The following ERICH6B variants were observed in gnomAD, a reference collection of about 807,000 sequenced individuals.
The protein encoded by ERICH6B is glutamate-rich protein 6B.
ERICH6B carries 69 observed loss-of-function variants against 80.0 expected under a neutral mutation model. The observed-to-expected ratio is 0.86, with a 90% CI of 0.71 to 1.05. The LOEUF (loss-of-function observed/expected upper bound fraction) is 1.05, where lower values mean the gene tolerates loss of function less well. ERICH6B is among the 50% of genes least tolerant of loss of function. ERICH6B has a pLI of 0.00. For synonymous variants in ERICH6B, 283 were observed against 291.9 expected (o/e 0.97, Z 0.31); for missense variants, 754 against 796.1 (o/e 0.95, Z 0.64).
intron 10 of ERICH6B, among the ~76,000 whole-genome samples, chr13:45,563,345 T>C (rs1236362207): frequency 6.6e-6 from 1 of 152,168 alleles, no homozygotes; most frequent in Non-Finnish European, 1.5e-5. Flanking sequence ...AATAGACCAA[T>C]GAAACCTGAG....
At chr13:45,611,713 C>T (rs1949900970) in intron 1 of ERICH6B, among the ~76,000 whole-genome samples, 1 of 152,206 alleles carries the variant, frequency 6.6e-6, no homozygotes, top group African/African-American at 2.4e-5. Flanking sequence ...CAGTGATGAC[C>T]TTGGCTTTCC....
chr13:45,580,426 C>T (rs986044434), intron 6 of ERICH6B, among the ~76,000 whole-genome samples, 177 bp downstream of exon 6: 9 of 152,180 alleles, frequency 5.9e-5, no homozygotes, highest in African/African-American at 2.2e-4. Flanking sequence ...CCTGGAGCCT[C>T]AACATTAAAT....
At chr13:45,606,524 TATATATATATATATATATATATA>T (rs1566307738) in intron 2 of ERICH6B, among the ~76,000 whole-genome samples, 39 of 33,316 alleles carry the variant, frequency 1.2e-3, no homozygotes, top group South Asian at 7.6e-3. Flanking sequence ...TATATATATA[TATATATATATATATATATATATA>T]TTTTTTTTTT....
intron 7 of ERICH6B, among the ~76,000 whole-genome samples, chr13:45,576,678 C>T (rs943525075): frequency 6.6e-6 from 1 of 152,082 alleles, no homozygotes; most frequent in Admixed American, 6.5e-5. Context: ...GGTAACTCAG[C>T]AACTTCCCAT....
chr13:45,577,206 GTAGGTCAA>G (rs1875443075), intron 7 of ERICH6B, among the ~76,000 whole-genome samples: 1 of 150,208 alleles, frequency 6.7e-6, no homozygotes. Flanking sequence ...CAGTGCTAAT[GTAGGTCAA>G]TGCTAGCACA....
chr13:45,593,990 T>C (rs1876261390), intron 3 of ERICH6B, among the ~76,000 whole-genome samples: 1 of 152,212 alleles, frequency 6.6e-6, no homozygotes, highest in Admixed American at 6.5e-5. Flanking sequence ...CTCTAGTTAG[T>C]GAATATGATC....
chr13:45,576,100 C>T lies in ERICH6B; in HGVS notation c.962-1170G>A, dbSNP rs1172152126. Among the ~76,000 whole-genome samples the T allele has an allele frequency of 7.2e-5, 11 of 152,198 alleles. No homozygotes were observed. The East Asian group carries it at 2.1e-3, about 29-fold the overall frequency. On this transcript the variant is annotated intron_variant, in intron 7 of 14. Coordinates refer to ENST00000298738, the MANE Select transcript of ERICH6B (RefSeq NM_182542.3). ...TGTTCTTTGTGATCTCTACACATTA[C>T]TTTTGTTCTTCTTCCCAATTTTGGC...
intron 2 of ERICH6B, among the ~76,000 whole-genome samples, chr13:45,598,207 A>T (rs1876481932): frequency 6.6e-6 from 1 of 151,716 alleles, no homozygotes; most frequent in African/African-American, 2.4e-5. Context: ...TTCTTGTTCA[A>T]TTTTTTTCTT....
In ERICH6B at chr13:45,569,253, G is replaced by A. The variant is rs181459708; in HGVS notation, c.1051-802C>T. On this transcript the variant is annotated intron_variant, in intron 8 of 14. Transcript: ENST00000298738. The stretch of plus-strand genomic sequence containing the variant: ...TGATTCTCATGCCTCAGCCTCCTGA[G>A]TAGCTGGGATCACAGGCACGTGCCA... Among the ~76,000 whole-genome samples, 497 of 152,264 alleles carry A rather than the reference G, an allele frequency of 3.3e-3. 5 individuals are homozygous for A. The highest frequency in any genetic ancestry group is 6.8e-3 in the Admixed American group (104 of 15,298).
intron 13 of ERICH6B, among the ~76,000 whole-genome samples, chr13:45,545,317 G>T (rs1220153227): frequency 6.6e-6 from 1 of 152,138 alleles, no homozygotes; most frequent in Non-Finnish European, 1.5e-5. Flanking sequence ...TTATCCTCTA[G>T]GTCTCAGCTT....
chr13:45,597,179 T>C lies in ERICH6B; in HGVS notation c.-58-116A>G, dbSNP rs1876434299. ...TAGTCTTTGGAGGGCTCTTTAAGTA[T>C]GCAGATCAGTACATAGAGGCCAGTG... On this transcript the variant is annotated intron_variant, in intron 2 of 14. Coordinates refer to ENST00000298738, the MANE Select transcript of ERICH6B (RefSeq NM_182542.3). 11 of 711,898 alleles carry C rather than the reference T, an allele frequency of 1.5e-5. No homozygotes were observed. The Admixed American group carries it at 2.7e-4, about 17-fold the overall frequency. The allele number at this position is 711,898 out of a possible 1,614,324, so 44.1% of individuals were successfully genotyped here.
chr13:45,582,625 A>G (rs1250233506), intron 5 of ERICH6B, among the ~76,000 whole-genome samples: 1 of 152,230 alleles, frequency 6.6e-6, no homozygotes, highest in Non-Finnish European at 1.5e-5. Flanking sequence ...ATTATAAAAA[A>G]TGTTGTACTG....
chr13:45,544,327 G>A (rs1376760370), intron 14 of ERICH6B, among the ~76,000 whole-genome samples: 1 of 152,080 alleles, frequency 6.6e-6, no homozygotes, highest in African/African-American at 2.4e-5. Context: ...CACCTGCTTC[G>A]GCCCCTCAAA....
At chr13:45,598,812 G>C (rs910287162) in intron 2 of ERICH6B, among the ~76,000 whole-genome samples, 3 of 152,210 alleles carry the variant, frequency 2.0e-5, no homozygotes, top group Non-Finnish European at 2.9e-5. Context: ...TTCAGGATGT[G>C]TCTCAGCTGC....
rs142515153 is a variant in ERICH6B, at chr13:45,612,912, G to T, written c.-111+2773C>A. 2.0e-5 allele frequency among the ~76,000 whole-genome samples: 3 copies of T among 152,248 alleles called. No individual in the cohort carries two copies. The East Asian group carries it at 5.8e-4, about 29-fold the overall frequency. On this transcript the variant is annotated intron_variant, in intron 1 of 14. Coordinates refer to ENST00000298738, the MANE Select transcript of ERICH6B (RefSeq NM_182542.3). ...GACTTTCGGGTTTTGACTGCTCAGG[G>T]ATTTCTTCCAAGCATAATTTCCCAG...
At chr13:45,602,095 C>T (rs1476524931) in intron 2 of ERICH6B, among the ~76,000 whole-genome samples, 2 of 152,226 alleles carry the variant, frequency 1.3e-5, no homozygotes, top group Non-Finnish European at 2.9e-5. Flanking sequence ...AACTACCCTG[C>T]TCCAAGGACT....
At chr13:45,601,494 C>T (rs1949827406) in intron 2 of ERICH6B, among the ~76,000 whole-genome samples, 1 of 152,186 alleles carries the variant, frequency 6.6e-6, no homozygotes, top group Non-Finnish European at 1.5e-5. Context: ...GAGGAGCACA[C>T]ACAGGCACTG....
intron 5 of ERICH6B, 42 bp downstream of exon 5, chr13:45,587,021 G>A (rs1875933692): frequency 6.5e-7 from 1 of 1,529,428 alleles, no homozygotes; most frequent in Non-Finnish European, 8.8e-7. Flanking sequence ...CTGGCCCACA[G>A]AGCCCGGCTG....
chr13:45,606,528 TATATATATATATATATATA>T (rs1566307780), intron 2 of ERICH6B, among the ~76,000 whole-genome samples: 12 of 35,460 alleles, frequency 3.4e-4, no homozygotes, highest in African/African-American at 1.1e-3. Context: ...TATATATATA[TATATATATATATATATATA>T]TTTTTTTTTT....
Sources: allele counts gnomAD v4.1 joint callset (sites outside exome capture counted in the v4.1 genomes callset), GRCh38; gene constraint gnomAD v4.1.1; transcripts MANE v1.5; gene names NCBI Gene and HGNC (gene_info 2026-07-23, HGNC 2026-07-21).